The following INTS9 variants were observed in gnomAD, a reference collection of about 807,000 sequenced individuals.
The protein encoded by INTS9 is integrator complex subunit 9.
Under a neutral mutation model 79.7 loss-of-function variants are expected in INTS9, and 55 were observed. The ratio of observed to expected loss-of-function variants is 0.69; its 90% confidence interval spans 0.56 to 0.86. The LOEUF (loss-of-function observed/expected upper bound fraction) is 0.86, where lower values mean the gene tolerates loss of function less well. Among genes scored for constraint, INTS9 ranks in the 40% least tolerant of loss-of-function variants. The pLI, the probability that INTS9 is intolerant of heterozygous loss-of-function variation, is 0.00. For synonymous variants in INTS9, 319 were observed against 325.2 expected, an observed-to-expected ratio of 0.98 and a Z score of 0.20; for missense variants, 721 against 831.5, an observed-to-expected ratio of 0.87 and a Z score of 1.64.
intron 16 of INTS9, chr8:28,769,654 T>A (rs1802413610): frequency 2.0e-6 from 1 of 506,774 alleles, no homozygotes; most frequent in Non-Finnish European, 3.5e-6. Context: ...AGCTTTTTCT[T>A]CAGTCTGGAG....
chr8:28,859,021 T>C lies in INTS9; in HGVS notation c.137+415A>G, dbSNP rs185793486. Among the ~76,000 whole-genome samples the C allele has an allele frequency of 4.2e-3, 640 of 151,592 alleles. 5 individuals are homozygous for C. The highest frequency in any genetic ancestry group is 0.015 in the African/African-American group (603 of 40,856). ...TTCTAAATCTAAAGTTGACTTAGTA[T>C]GAAAATAATGCACAGATGCCTGTCA... On this transcript the variant is annotated intron_variant, in intron 2 of 16. Transcript: ENST00000521022.
chr8:28,775,860 G>C lies in INTS9; in HGVS notation c.1462C>G (p.Leu488Val). The stretch of plus-strand genomic sequence containing the variant: ...GCGGGGGGCTGGCAGTCGATCATGA[G>C]GTCCATCCTGTGGGACTGGGCTGGG... ...PPPAQSHRMDLMIDCQPPAMS... is the reference protein window; with the variant it reads ...PPPAQSHRMDVMIDCQPPAMS... The change falls in exon 14 of 17, where the codon CTC becomes GTC. Residue 488 changes from leucine to valine, a missense_variant. Transcript: ENST00000521022. The C allele has an allele frequency of 6.2e-7, 1 of 1,612,918 alleles. No homozygotes were observed. The highest frequency in any genetic ancestry group is 8.5e-7 in the Non-Finnish European group (1 of 1,179,416).
At chr8:28,797,780 G>A (rs943285207) in intron 8 of INTS9, among the ~76,000 whole-genome samples, 3 of 152,068 alleles carry the variant, frequency 2.0e-5, no homozygotes, top group East Asian at 1.9e-4. Flanking sequence ...CCAGTGGATC[G>A]TCAGAAGAAA....
In INTS9 at chr8:28,812,202, C is replaced by A. The variant is rs1057458368; in HGVS notation, c.744+125G>T. ...TTGAGACTCAAATAGTCTACCTTGG[C>A]TAGAGAGTATCTGTAGAAAACCATA... On this transcript the variant is annotated intron_variant, in intron 8 of 16. Transcript: ENST00000521022. 7.2e-5 allele frequency: 69 copies of A among 958,744 alleles called. 2 individuals are homozygous for A. The South Asian group carries it at 1.1e-3, about 15-fold the overall frequency. 59.4% of individuals were successfully genotyped at this position (958,744 alleles called of 1,614,324 possible). A position where few individuals can be genotyped will look rare whatever the true frequency, so the allele number is the denominator to read the frequency against.
intron 13 of INTS9, among the ~76,000 whole-genome samples, chr8:28,777,469 A>T (rs1802954852): frequency 6.6e-6 from 1 of 151,952 alleles, no homozygotes; most frequent in Admixed American, 6.5e-5. Flanking sequence ...ACCAGCCTAC[A>T]CGTGCGACAC....
chr8:28,773,192 A>G (rs868566285), intron 14 of INTS9, among the ~76,000 whole-genome samples: 9 of 152,308 alleles, frequency 5.9e-5, no homozygotes, highest in South Asian at 4.1e-4. Flanking sequence ...GGCCAGGCGC[A>G]GTGGCTCACG....
intron 8 of INTS9, among the ~76,000 whole-genome samples, chr8:28,811,323 C>A (rs950505155): frequency 6.6e-6 from 1 of 151,986 alleles, no homozygotes; most frequent in Non-Finnish European, 1.5e-5. Context: ...GGGGTTTCAC[C>A]ATGTTGGCCA....
Position 28,777,964 on chromosome 8 carries a change from T to C in INTS9, c.1271-11A>G, listed in dbSNP as rs776935359. 9 of 1,599,462 alleles carry C rather than the reference T, an allele frequency of 5.6e-6. No individual in the cohort carries two copies. Among genetic ancestry groups the C allele is most frequent in the Non-Finnish European group, 7.7e-6 (9 of 1,174,240 alleles). On this transcript the variant is annotated splice_polypyrimidine_tract_variant and intron_variant, in intron 12 of 16. Transcript: ENST00000521022. ...AGGAGAAGTCTGGTTCTAGGGAAAGTACAAGAAAGAAATCTTACAATGCAG... is the reference window on the plus strand; with the variant it reads ...AGGAGAAGTCTGGTTCTAGGGAAAGCACAAGAAAGAAATCTTACAATGCAG...
In INTS9 at chr8:28,844,924, G is replaced by A. The variant is rs574257037; in HGVS notation, c.261+1823C>T. Among the ~76,000 whole-genome samples the A allele has an allele frequency of 1.1e-4, 17 of 152,216 alleles. No homozygotes were observed. The South Asian group carries it at 3.1e-3, about 28-fold the overall frequency. ...TTTATGCATTCATGACATGCCTAAC[G>A]TTTTCTTAAGTTTTTTGCTATTTCT... On this transcript the variant is annotated intron_variant, in intron 4 of 16. Transcript: ENST00000521022.
chr8:28,884,340 G>A (rs1810068187), intron 1 of INTS9, among the ~76,000 whole-genome samples: 1 of 151,602 alleles, frequency 6.6e-6, no homozygotes. Context: ...CAAGACACCA[G>A]GCCTAGCTAA....
intron 11 of INTS9, chr8:28,783,557 G>A (rs1195680439): frequency 6.6e-6 from 1 of 152,262 alleles, no homozygotes; most frequent in Non-Finnish European, 1.5e-5. Context: ...CACCCTAAGA[G>A]TGGGGATGTG....
rs1444722114 is a variant in INTS9, at chr8:28,835,359, C to T, written c.421G>A (p.Val141Met). ...QIGRLLMEELVNFIERVPKAQ... is the reference protein window; with the variant it reads ...QIGRLLMEELMNFIERVPKAQ... ...TTTGGCACTCTTTCAATGAAATTCACCAGCTCTTCCATGAGAAGCCTGAGT... is the reference window on the plus strand; with the variant it reads ...TTTGGCACTCTTTCAATGAAATTCATCAGCTCTTCCATGAGAAGCCTGAGT... Residue 141 changes from valine (V) to methionine (M), a missense_variant, in exon 6 of 17, where the codon GTG becomes ATG. Transcript: ENST00000521022. 7.4e-6 allele frequency: 12 copies of T among 1,613,490 alleles called. No individual in the cohort carries two copies. The East Asian group carries it at 2.5e-4, about 33-fold the overall frequency.
chr8:28,773,489 A>G (rs1274025085), intron 14 of INTS9, among the ~76,000 whole-genome samples: 2 of 152,002 alleles, frequency 1.3e-5, no homozygotes, highest in East Asian at 3.9e-4. Flanking sequence ...AAATCTATGA[A>G]AAAAGGAACT....
At chr8:28,828,099 CTCT>C (rs1264388615) in intron 6 of INTS9, among the ~76,000 whole-genome samples, 1 of 152,298 alleles carries the variant, frequency 6.6e-6, no homozygotes, top group East Asian at 1.9e-4. Flanking sequence ...CTTAAGGAGC[CTCT>C]CTCTGGACAT....
chr8:28,878,446 G>A (rs1809509234), intron 1 of INTS9, among the ~76,000 whole-genome samples: 2 of 151,474 alleles, frequency 1.3e-5, no homozygotes, highest in African/African-American at 4.9e-5. Flanking sequence ...TTGAGTAGCT[G>A]GGACTACAGG....
chr8:28,780,864 T>C lies in INTS9; in HGVS notation c.1229A>G (p.Glu410Gly). 1 of 1,614,164 alleles carries C rather than the reference T, an allele frequency of 6.2e-7. No individual in the cohort carries two copies. Among genetic ancestry groups the C allele is most frequent in the Non-Finnish European group, 8.5e-7 (1 of 1,180,024 alleles). The change falls in exon 12 of 17, where the codon GAG (glutamate) becomes GGG (glycine). Residue 410 changes from glutamate to glycine, a missense_variant. Physicochemically the swap from Glu to Gly is moderately conservative, Grantham distance 98. Transcript: ENST00000521022. The stretch of plus-strand genomic sequence containing the variant: ...ATTGAGACTAGATTTTCCCCAGAGC[T>C]CCATGAAGTGGACCACGTCCCCGAA... ...LRFGDVVHFM[E>G]LWGKSSLNTV...
intron 10 of INTS9, among the ~76,000 whole-genome samples, chr8:28,788,106 T>A (rs539621272): frequency 6.6e-6 from 1 of 152,360 alleles, no homozygotes; most frequent in African/African-American, 2.4e-5. Flanking sequence ...TTTCTTAAAA[T>A]ATAAACTTGT....
At chr8:28,786,852 T>G (rs1585351113) in intron 11 of INTS9, among the ~76,000 whole-genome samples, 1 of 152,072 alleles carries the variant, frequency 6.6e-6, no homozygotes, top group African/African-American at 2.4e-5. Flanking sequence ...CGAGCAGTTG[T>G]GACTACAGGC....
chr8:28,866,725 C>T (rs1044782351), intron 1 of INTS9, among the ~76,000 whole-genome samples: 7 of 152,086 alleles, frequency 4.6e-5, no homozygotes, highest in Non-Finnish European at 8.8e-5. Flanking sequence ...GCCTGTAATC[C>T]CAGCACTTTG....
Sources: allele counts gnomAD v4.1 joint callset (sites outside exome capture counted in the v4.1 genomes callset), GRCh38; gene constraint gnomAD v4.1.1; transcripts MANE v1.5; gene names NCBI Gene and HGNC (gene_info 2026-07-23, HGNC 2026-07-21).